PDGFD: variants seen among roughly 807,000 people sequenced by gnomAD.
PDGFD encodes the protein platelet-derived growth factor D.
PDGFD carries 30 observed loss-of-function variants against 44.7 expected under a neutral mutation model. The observed-to-expected ratio is 0.67, with a 90% confidence interval of 0.50 to 0.91. The LOEUF (loss-of-function observed/expected upper bound fraction) is 0.91, where lower values mean the gene tolerates loss of function less well. Among genes scored for constraint, PDGFD ranks in the 40% least tolerant of loss-of-function variants. PDGFD has a pLI of 0.00. For missense variants in PDGFD, 445 were observed against 457.8 expected (o/e 0.97, Z 0.25); for synonymous variants, 173 against 168.4 (o/e 1.03, Z -0.21).
intron 1 of PDGFD, among the ~76,000 whole-genome samples, chr11:104,060,585 T>C (rs1490651668): frequency 6.6e-6 from 1 of 152,228 alleles, no homozygotes; most frequent in Non-Finnish European, 1.5e-5. Flanking sequence ...GGGAATTCTG[T>C]CTGGCTCATT....
chr11:103,911,707 A>G (rs543780037), intron 6 of PDGFD, among the ~76,000 whole-genome samples: 1 of 152,214 alleles, frequency 6.6e-6, no homozygotes, highest in East Asian at 1.9e-4. Flanking sequence ...GTTCTAACCC[A>G]ATGCAAGGAA....
Position 103,945,261 on chromosome 11 carries a change from C to T in PDGFD, c.574-1611G>A, listed in dbSNP as rs1858652072. Among the ~76,000 whole-genome samples the T allele has an allele frequency of 2.0e-5, 3 of 152,096 alleles. No homozygotes were observed. In the South Asian group the frequency reaches 6.2e-4, roughly 32 times the overall value. ...GTTCCTTCTGTTTCTGATAGGTTGT[C>T]CCTTTAATCTACGTGACTGTGTGTG... On this transcript the variant is annotated intron_variant, in intron 4 of 6. Transcript: ENST00000393158.
intron 1 of PDGFD, among the ~76,000 whole-genome samples, chr11:104,111,629 A>G (rs924435796): frequency 6.6e-6 from 1 of 152,168 alleles, no homozygotes; most frequent in Non-Finnish European, 1.5e-5. Context: ...CAACTTAGGC[A>G]ATATTTCATT....
chr11:104,074,562 G>GA (rs1357668650), intron 1 of PDGFD, among the ~76,000 whole-genome samples: 15 of 152,180 alleles, frequency 9.9e-5, no homozygotes, highest in African/African-American at 3.6e-4. Context: ...GGCTCATTAG[G>GA]AAGCAGTGTG....
intron 1 of PDGFD, among the ~76,000 whole-genome samples, chr11:104,069,982 T>C (rs1048570264): frequency 6.6e-6 from 1 of 152,240 alleles, no homozygotes; most frequent in African/African-American, 2.4e-5. Context: ...TCCTCCAGTA[T>C]CATAATTGTT....
intron 5 of PDGFD, among the ~76,000 whole-genome samples, chr11:103,927,949 CT>C (rs1036716763): frequency 1.3e-5 from 2 of 152,164 alleles, no homozygotes; most frequent in Non-Finnish European, 2.9e-5. Flanking sequence ...GAATCTCCCC[CT>C]CTCACATTCT....
intron 1 of PDGFD, among the ~76,000 whole-genome samples, chr11:104,017,252 T>C (rs1395111872): frequency 6.6e-6 from 1 of 152,190 alleles, no homozygotes; most frequent in African/African-American, 2.4e-5. Context: ...TTCTGTTGCT[T>C]AAGCCACCTG....
At chr11:104,115,386 T>C (rs1049480685) in intron 1 of PDGFD, among the ~76,000 whole-genome samples, 31 of 150,952 alleles carry the variant, frequency 2.1e-4, no homozygotes, top group African/African-American at 7.3e-4. Flanking sequence ...TAAAAAGGAA[T>C]GAATTAATAT....
At chr11:104,114,377 T>G (rs1263842842) in intron 1 of PDGFD, among the ~76,000 whole-genome samples, 1 of 152,028 alleles carries the variant, frequency 6.6e-6, no homozygotes, top group African/African-American at 2.4e-5. Flanking sequence ...TAGGTTGTCT[T>G]TGATCTGTTA....
rs951351065 is a variant in PDGFD at position 104,000,061 on chromosome 11, C to A, written c.319G>T (p.Asp107Tyr). The change falls in exon 2 of 7, where the codon GAT becomes TAT. Residue 107 changes from aspartate (D) to tyrosine (Y), a missense_variant. Transcript: ENST00000393158. ...TTTTTCCCAACTTACCTACAGATAT[C>A]ATTTTCTGCTTCCTCTAATCCAAAC... ...NQFGLEEAENDICRYDFVEVE... is the reference protein window; with the variant it reads ...NQFGLEEAENYICRYDFVEVE... 4.3e-6 allele frequency: 7 copies of A among 1,613,950 alleles called. No individual in the cohort carries two copies. The highest frequency in any genetic ancestry group is 5.1e-6 in the Non-Finnish European group (6 of 1,179,900).
chr11:104,099,439 A>C (rs1033793003), intron 1 of PDGFD, among the ~76,000 whole-genome samples: 1 of 152,034 alleles, frequency 6.6e-6, no homozygotes, highest in Non-Finnish European at 1.5e-5. Context: ...CAGTAGTACT[A>C]GACCAGCCTG....
intron 1 of PDGFD, among the ~76,000 whole-genome samples, chr11:104,014,759 A>T (rs1859836152): frequency 6.6e-6 from 1 of 152,210 alleles, no homozygotes; most frequent in African/African-American, 2.4e-5. Flanking sequence ...GGAAAAAATG[A>T]CTAACAATAT....
chr11:104,019,372 CA>C lies in PDGFD; in HGVS notation c.125-19118del, dbSNP rs1309938866. 2.0e-5 allele frequency among the ~76,000 whole-genome samples: 3 copies of C among 151,986 alleles called. No homozygotes were observed. The South Asian group carries it at 6.2e-4, about 31-fold the overall frequency. On this transcript the variant is annotated intron_variant, in intron 1 of 6. Coordinates refer to ENST00000393158, the MANE Select transcript of PDGFD (RefSeq NM_025208.5). ...TTTAATATGTGCCATTTTATTGGCACAAATGAGGCCCATTAATGTCTGAGAA... is the reference window on the plus strand; with the variant it reads ...TTTAATATGTGCCATTTTATTGGCACAATGAGGCCCATTAATGTCTGAGAA...
intron 3 of PDGFD, among the ~76,000 whole-genome samples, chr11:103,964,103 C>T (rs1858978790): frequency 6.6e-6 from 1 of 152,258 alleles, no homozygotes; most frequent in Admixed American, 6.5e-5. Context: ...CAGGCTTGGT[C>T]ATGTGATTTG....
intron 6 of PDGFD, among the ~76,000 whole-genome samples, chr11:103,910,721 C>T (rs1858014071): frequency 1.3e-5 from 2 of 150,574 alleles, no homozygotes; most frequent in South Asian, 4.2e-4. Flanking sequence ...TTTCATACCC[C>T]AGTGGCGCCT....
chr11:103,924,417 T>C (rs1858271605), intron 6 of PDGFD, among the ~76,000 whole-genome samples: 2 of 152,176 alleles, frequency 1.3e-5, no homozygotes, highest in South Asian at 2.1e-4. Flanking sequence ...CATCAGTTCA[T>C]ACAAAAATAA....
rs1857992649 is a variant in PDGFD, at chr11:103,909,420, A to G, written c.*274T>C. ...AAAAAAACATTTGATCTATATACACATAGACATGAATATATTTCTGTGTGT... is the reference window on the plus strand; with the variant it reads ...AAAAAAACATTTGATCTATATACACGTAGACATGAATATATTTCTGTGTGT... On this transcript the variant is annotated 3_prime_UTR_variant, in exon 7 of 7. Transcript: ENST00000393158. 2.7e-6 allele frequency: 1 copy of G among 370,894 alleles called. No homozygotes were observed. Among genetic ancestry groups the G allele is most frequent in the Non-Finnish European group, 5.0e-6 (1 of 199,418 alleles). 23.0% of individuals were successfully genotyped at this position (370,894 alleles called of 1,614,324 possible).
intron 1 of PDGFD, chr11:104,038,041 G>C: frequency 6.3e-7 from 1 of 1,582,260 alleles, no homozygotes; most frequent in South Asian, 1.1e-5. Flanking sequence ...TTACCACCTT[G>C]AGGGAGCCTC....
At chr11:103,929,747 G>A (rs1461490159) in intron 5 of PDGFD, among the ~76,000 whole-genome samples, 1 of 152,200 alleles carries the variant, frequency 6.6e-6, no homozygotes, top group Non-Finnish European at 1.5e-5. Context: ...TTCAAAGCGT[G>A]ATTGCAGACT....
Sources: allele counts gnomAD v4.1 joint callset (sites outside exome capture counted in the v4.1 genomes callset), GRCh38; gene constraint gnomAD v4.1.1; transcripts MANE v1.5; gene names NCBI Gene and HGNC (gene_info 2026-07-23, HGNC 2026-07-21).